The following MACROD2 variants were observed in gnomAD, a reference collection of about 807,000 sequenced individuals.
The protein encoded by MACROD2 is ADP-ribose glycohydrolase MACROD2.
A neutral mutation model predicts 70.4 loss-of-function variants in MACROD2; 36 were observed. The observed-to-expected ratio is 0.51, with a 90% confidence interval of 0.39 to 0.68. The LOEUF is 0.68. Ranked by LOEUF, MACROD2 falls within the 30% of genes least tolerant of loss-of-function variation. The pLI is 0.00. For missense variants in MACROD2, 496 were observed against 538.4 expected (o/e 0.92, Z 0.78); for synonymous variants, 172 against 178.8 (o/e 0.96, Z 0.30).
intron 8 of MACROD2, among the ~76,000 whole-genome samples, chr20:15,833,837 A>G (rs897598965): frequency 6.6e-6 from 1 of 152,188 alleles, no homozygotes; most frequent in Admixed American, 6.5e-5. Context: ...TCATCTCATT[A>G]AAAACGTGAC....
At chr20:15,712,145 C>G (rs1383817394) in intron 8 of MACROD2, among the ~76,000 whole-genome samples, 1 of 152,210 alleles carries the variant, frequency 6.6e-6, no homozygotes, top group Non-Finnish European at 1.5e-5. Context: ...ACTAACATAT[C>G]TCCTTGCTAA....
intron 6 of MACROD2, among the ~76,000 whole-genome samples, chr20:15,272,891 C>T (rs1195676442): frequency 6.6e-6 from 1 of 152,164 alleles, no homozygotes; most frequent in Non-Finnish European, 1.5e-5. Context: ...CCATTGGCTC[C>T]CACTATCCTA....
chr20:15,434,290 C>A (rs73090073), intron 7 of MACROD2, among the ~76,000 whole-genome samples: 24,623 of 151,424 alleles, frequency 0.16, 2,200 homozygotes, highest in Non-Finnish European at 0.2. Flanking sequence ...TGACCAAGAA[C>A]TAATACCCAG....
Position 15,922,904 on chromosome 20 carries a change from A to G in MACROD2, c.776-10372A>G, listed in dbSNP as rs1198534761. ...GAATCCATTTTAAGATAAGGTGATT[A>G]CATTATCATCTTTAGTGAAATTTTA... On this transcript the variant is annotated intron_variant, in intron 10 of 17. Transcript: ENST00000684519. 5.3e-5 allele frequency among the ~76,000 whole-genome samples: 8 copies of G among 152,240 alleles called. No homozygotes were observed. The East Asian group carries it at 1.3e-3, about 26-fold the overall frequency.
intron 5 of MACROD2, among the ~76,000 whole-genome samples, chr20:15,160,541 A>G (rs1003786342): frequency 1.3e-5 from 2 of 152,116 alleles, no homozygotes; most frequent in Non-Finnish European, 2.9e-5. Flanking sequence ...TGAATCATTT[A>G]TTTATTCAAA....
intron 8 of MACROD2, among the ~76,000 whole-genome samples, chr20:15,500,212 G>A (rs1341652572): frequency 6.6e-6 from 1 of 152,108 alleles, no homozygotes; most frequent in Admixed American, 6.6e-5. Context: ...TTGACTTGAG[G>A]TTCCTGGTGT....
intron 10 of MACROD2, among the ~76,000 whole-genome samples, chr20:15,921,811 T>A (rs2065412055): frequency 6.6e-6 from 1 of 152,016 alleles, no homozygotes; most frequent in African/African-American, 2.4e-5. Context: ...AGAGAAGCGG[T>A]GAAGTGAGAT....
At chr20:15,097,512 A>G (rs922725142) in intron 5 of MACROD2, among the ~76,000 whole-genome samples, 3 of 152,186 alleles carry the variant, frequency 2.0e-5, no homozygotes, top group African/African-American at 7.2e-5. Context: ...TTATTTTTCA[A>G]TATACCTCAG....
At chr20:14,829,376 C>T (rs1013202518) in intron 5 of MACROD2, among the ~76,000 whole-genome samples, 3 of 151,686 alleles carry the variant, frequency 2.0e-5, no homozygotes, top group Admixed American at 6.6e-5. Context: ...GTGATCCACC[C>T]GCCTCGGCCT....
intron 3 of MACROD2, among the ~76,000 whole-genome samples, chr20:14,437,833 G>C (rs117862081): frequency 2.2e-4 from 34 of 152,094 alleles, no homozygotes; most frequent in Non-Finnish European, 4.7e-4. Context: ...AAATTCTCTT[G>C]TGTATATTTA....
At chr20:14,286,413 C>G (rs1398734128) in intron 3 of MACROD2, among the ~76,000 whole-genome samples, 1 of 152,062 alleles carries the variant, frequency 6.6e-6, no homozygotes, top group African/African-American at 2.4e-5. Context: ...GTTATAATAG[C>G]TGGCTATTCT....
chr20:15,574,058 C>T (rs1004093156), intron 8 of MACROD2, among the ~76,000 whole-genome samples: 18 of 152,088 alleles, frequency 1.2e-4, no homozygotes, highest in African/African-American at 3.6e-4. Context: ...ACTTTTTCTG[C>T]GGGTGCTTTT....
In MACROD2 at chr20:15,387,391, C is replaced by G. The variant is rs201911434; in HGVS notation, c.541-44014C>G. On this transcript the variant is annotated intron_variant, in intron 6 of 17. Coordinates refer to ENST00000684519, the MANE Select transcript of MACROD2 (RefSeq NM_001351661.2). ...CTTTCTTCCCTCTCTTCCTACCTCT[C>G]TGCAGTCTGCACTTTTCCCTTCCAT... Among the ~76,000 whole-genome samples the G allele has an allele frequency of 0.038, 5,681 of 150,782 alleles. 537 individuals carry two copies. The East Asian group carries it at 0.38, about 10-fold the overall frequency.
intron 2 of MACROD2, among the ~76,000 whole-genome samples, chr20:14,019,151 G>T (rs2053034622): frequency 5.3e-5 from 8 of 152,202 alleles, no homozygotes; most frequent in Admixed American, 5.2e-4. Flanking sequence ...TGCCCAGATA[G>T]AGCCTATTTA....
intron 3 of MACROD2, among the ~76,000 whole-genome samples, chr20:14,091,177 T>C (rs1336959122): frequency 1.3e-5 from 2 of 152,200 alleles, no homozygotes. Context: ...TTTGCAAATA[T>C]TTTCTCCCAT....
chr20:14,780,434 T>C (rs1294621932), intron 5 of MACROD2, among the ~76,000 whole-genome samples: 2 of 151,770 alleles, frequency 1.3e-5, no homozygotes, highest in Non-Finnish European at 2.9e-5. Flanking sequence ...TGGTGACGCA[T>C]GCCGGTAATC....
intron 5 of MACROD2, among the ~76,000 whole-genome samples, chr20:15,104,632 C>T (rs1262688451): frequency 6.6e-6 from 1 of 151,936 alleles, no homozygotes; most frequent in African/African-American, 2.4e-5. Context: ...TACATACCTG[C>T]GGATCTCGTT....
chr20:15,158,030 C>T (rs1345317763), intron 5 of MACROD2, among the ~76,000 whole-genome samples: 4 of 152,132 alleles, frequency 2.6e-5, no homozygotes, highest in East Asian at 1.9e-4. Context: ...CCTGTGCCCC[C>T]ACCACCCCTC....
At chr20:14,266,303 C>T (rs566751280) in intron 3 of MACROD2, among the ~76,000 whole-genome samples, 6 of 152,222 alleles carry the variant, frequency 3.9e-5, no homozygotes, top group African/African-American at 1.4e-4. Context: ...TACCAATAGT[C>T]TCTTTCTGTT....
Sources: gnomAD v4.1 joint callset for allele counts (sites outside exome capture counted in the v4.1 genomes callset) on GRCh38, gnomAD v4.1.1 for gene constraint, MANE v1.5 for transcripts, NCBI Gene and HGNC (gene_info 2026-07-23, HGNC 2026-07-21) for gene names.